The following MYO16 variants were observed in gnomAD, a reference collection of about 807,000 sequenced individuals.
MYO16 encodes myosin XVI, also known as unconventional myosin-XVI.
Under a neutral mutation model 205.3 loss-of-function variants are expected in MYO16, and 94 were observed. That is an observed-to-expected ratio of 0.46 (90% CI 0.39 to 0.54). MYO16 has a LOEUF of 0.54. MYO16 is among the 20% of genes least tolerant of loss of function. MYO16 has a pLI of 0.00. For synonymous variants in MYO16, 988 were observed against 954.0 expected (o/e 1.04, Z -0.66); for missense variants, 2,315 against 2,387.5 (o/e 0.97, Z 0.63).
chr13:109,198,324 A>G (rs988519155), intron 34 of MYO16, among the ~76,000 whole-genome samples: 1 of 152,202 alleles, frequency 6.6e-6, no homozygotes, highest in Non-Finnish European at 1.5e-5. Flanking sequence ...CTGAAAATAC[A>G]AACCCTAACT....
intron 18 of MYO16, 41 bp from the exon 19 acceptor site, chr13:108,962,383 A>C: frequency 6.5e-7 from 1 of 1,527,924 alleles, no homozygotes; most frequent in Non-Finnish European, 9.0e-7. Context: ...GGTATCAAAA[A>C]ATATACTAAC....
intron 1 of MYO16, among the ~76,000 whole-genome samples, chr13:108,609,429 C>T (rs553314116): frequency 2.6e-5 from 4 of 152,326 alleles, no homozygotes; most frequent in Non-Finnish European, 5.9e-5. Context: ...GTTCTGCTCA[C>T]GGCACATACA....
At chr13:109,168,735 A>G (rs1442709635) in intron 33 of MYO16, among the ~76,000 whole-genome samples, 1 of 152,170 alleles carries the variant, frequency 6.6e-6, no homozygotes, top group Non-Finnish European at 1.5e-5. Flanking sequence ...AAAAAATAAG[A>G]TAAAATAAAA....
At chr13:108,921,950 C>T (rs572194411) in intron 16 of MYO16, among the ~76,000 whole-genome samples, 3 of 152,266 alleles carry the variant, frequency 2.0e-5, no homozygotes, top group African/African-American at 7.2e-5. Context: ...TAGAAGGCTC[C>T]TTCCCATTGG....
intron 2 of MYO16, among the ~76,000 whole-genome samples, chr13:108,683,419 A>AAAAG (rs953129842): frequency 1.3e-5 from 2 of 152,154 alleles, no homozygotes; most frequent in African/African-American, 4.8e-5. Flanking sequence ...TTTGCCAAAA[A>AAAAG]AAAGAAAGAA....
At chr13:108,689,507 C>T (rs1882810326) in intron 2 of MYO16, among the ~76,000 whole-genome samples, 1 of 151,966 alleles carries the variant, frequency 6.6e-6, no homozygotes, top group Non-Finnish European at 1.5e-5. Context: ...ACTTGAGTGA[C>T]CCATAAGGAT....
At chr13:108,587,974 A>G in the MYO16 span, among the ~76,000 whole-genome samples, 1 of 146,194 alleles carries the variant, frequency 6.8e-6, no homozygotes, top group Middle Eastern at 3.5e-3. Flanking sequence ...TCTGTTTGCA[A>G]ATGTAATGCA....
At chr13:109,116,630 T>C (rs550965570) in intron 28 of MYO16, among the ~76,000 whole-genome samples, 1 of 152,328 alleles carries the variant, frequency 6.6e-6, no homozygotes, top group East Asian at 1.9e-4. Flanking sequence ...CTGTGTCTAC[T>C]CTTCCTATAA....
At chr13:108,908,566 C>A (rs933301494) in intron 15 of MYO16, among the ~76,000 whole-genome samples, 4 of 152,130 alleles carry the variant, frequency 2.6e-5, no homozygotes, top group African/African-American at 9.7e-5. Flanking sequence ...TAATTATAAC[C>A]ATTTATTTGC....
the MYO16 span, among the ~76,000 whole-genome samples, chr13:108,515,904 C>T: frequency 1.2e-5 from 1 of 83,660 alleles, no homozygotes; most frequent in Non-Finnish European, 2.5e-5. Flanking sequence ...ACACTTAAGT[C>T]TGCAGAGGTT....
intron 2 of MYO16, among the ~76,000 whole-genome samples, chr13:108,709,160 T>G (rs532355603): frequency 6.6e-6 from 1 of 152,310 alleles, no homozygotes; most frequent in African/African-American, 2.4e-5. Flanking sequence ...CTTAGGCTGT[T>G]TCCTTGCCGA....
intron 23 of MYO16, among the ~76,000 whole-genome samples, chr13:109,034,847 G>T (rs1411573021): frequency 6.6e-6 from 1 of 152,044 alleles, no homozygotes; most frequent in Non-Finnish European, 1.5e-5. Flanking sequence ...TAATAGTTTT[G>T]TTGATGGATT....
intron 22 of MYO16, 38 bp from the exon 23 acceptor site, chr13:109,019,673 A>G: frequency 6.6e-7 from 1 of 1,510,906 alleles, no homozygotes; most frequent in South Asian, 1.2e-5. Context: ...AAACTAAGTA[A>G]TAGACAAAAC....
In MYO16 at chr13:108,659,382, A is replaced by G. The variant is rs1281507944; in HGVS notation, c.29-6504A>G. On this transcript the variant is annotated intron_variant, in intron 1 of 34. Transcript: ENST00000457511. ...TGTCTAGGTATAGATATATAACTAG[A>G]TGTCAGATATTTCCTGGCTTTCAAG... 6.9e-6 allele frequency: 3 copies of G among 434,862 alleles called. No individual in the cohort carries two copies. In the Admixed American group the frequency reaches 7.7e-5, roughly 11 times the overall value. The allele number at this position is 434,862 out of a possible 1,614,324, so 26.9% of individuals were successfully genotyped here.
intron 21 of MYO16, among the ~76,000 whole-genome samples, chr13:108,997,660 G>A (rs996701782): frequency 6.6e-6 from 1 of 152,098 alleles, no homozygotes; most frequent in Non-Finnish European, 1.5e-5. Flanking sequence ...CCAACATGGT[G>A]AAACCCCATC....
chr13:109,025,993 A>G (rs532783079), intron 23 of MYO16, among the ~76,000 whole-genome samples: 9 of 152,322 alleles, frequency 5.9e-5, no homozygotes, highest in Admixed American at 3.9e-4. Flanking sequence ...GAAAATTTAT[A>G]TTAGCATGAA....
At chr13:108,782,457 A>G (rs986938877) in intron 4 of MYO16, among the ~76,000 whole-genome samples, 2 of 152,236 alleles carry the variant, frequency 1.3e-5, no homozygotes, top group Non-Finnish European at 2.9e-5. Flanking sequence ...AAAGGGAAAC[A>G]GCATAAAAGT....
At chr13:108,624,748 C>A (rs1453992172), upstream of MYO16, among the ~76,000 whole-genome samples, 2 of 150,980 alleles carry the variant, frequency 1.3e-5, no homozygotes, top group Non-Finnish European at 2.9e-5. Flanking sequence ...TGGCCAAATG[C>A]CCTTAAGGAG....
At chr13:108,944,367 A>G (rs1430045605) in intron 16 of MYO16, among the ~76,000 whole-genome samples, 1 of 152,224 alleles carries the variant, frequency 6.6e-6, no homozygotes, top group Non-Finnish European at 1.5e-5. Context: ...GAAAAGGGAA[A>G]AAGGGAAGGG....
Sources: gnomAD v4.1 joint callset for allele counts (sites outside exome capture counted in the v4.1 genomes callset) on GRCh38, gnomAD v4.1.1 for gene constraint, MANE v1.5 for transcripts, NCBI Gene and HGNC (gene_info 2026-07-23, HGNC 2026-07-21) for gene names.